LRRTM3: variants seen among roughly 807,000 people sequenced by gnomAD.
LRRTM3 encodes leucine rich repeat transmembrane neuronal 3.
LRRTM3 carries 24 observed loss-of-function variants against 44.7 expected under a neutral mutation model. That is an observed-to-expected ratio of 0.54 (90% CI 0.39 to 0.76). The LOEUF (loss-of-function observed/expected upper bound fraction) is 0.76, where lower values mean the gene tolerates loss of function less well. LRRTM3 is among the 30% of genes least tolerant of loss of function. The pLI is 0.00. For synonymous variants in LRRTM3, 277 were observed against 278.7 expected (o/e 0.99, Z 0.06); for missense variants, 587 against 702.2 (o/e 0.84, Z 1.85).
intron 2 of LRRTM3, among the ~76,000 whole-genome samples, chr10:66,998,745 G>A (rs974335318): frequency 1.3e-5 from 2 of 152,196 alleles, no homozygotes; most frequent in Non-Finnish European, 2.9e-5. Flanking sequence ...AATTGTCACA[G>A]ATCAACAATA....
intron 2 of LRRTM3, among the ~76,000 whole-genome samples, chr10:67,081,272 T>C (rs1177382793): frequency 1.3e-5 from 2 of 152,202 alleles, no homozygotes; most frequent in African/African-American, 4.8e-5. Flanking sequence ...TTCAGGTATA[T>C]ACTGAACAGT....
At chr10:66,996,760 T>A (rs1362245165) in intron 2 of LRRTM3, among the ~76,000 whole-genome samples, 1 of 151,420 alleles carries the variant, frequency 6.6e-6, no homozygotes, top group Non-Finnish European at 1.5e-5. Flanking sequence ...GAAAAAAAAT[T>A]TCTAAGGGTA....
intron 2 of LRRTM3, among the ~76,000 whole-genome samples, chr10:67,023,436 G>T (rs1430872413): frequency 6.6e-6 from 1 of 152,042 alleles, no homozygotes; most frequent in Non-Finnish European, 1.5e-5. Flanking sequence ...AATCCACCAG[G>T]CTTATCCATG....
intron 2 of LRRTM3, among the ~76,000 whole-genome samples, chr10:67,078,066 T>C (rs1306413731): frequency 6.6e-6 from 1 of 152,206 alleles, no homozygotes; most frequent in African/African-American, 2.4e-5. Flanking sequence ...GGGTCATACT[T>C]GGACCAAGTC....
chr10:66,994,393 TTAA>T (rs1851213077), intron 2 of LRRTM3, among the ~76,000 whole-genome samples: 3 of 152,212 alleles, frequency 2.0e-5, no homozygotes, highest in South Asian at 2.1e-4. Flanking sequence ...ATTAGCTCAC[TTAA>T]TAAATGGAAT....
intron 2 of LRRTM3, among the ~76,000 whole-genome samples, chr10:67,088,986 A>G (rs931977818): frequency 6.6e-6 from 1 of 152,066 alleles, no homozygotes; most frequent in African/African-American, 2.4e-5. Flanking sequence ...ATGACTACTT[A>G]GATAGAATAT....
intron 2 of LRRTM3, among the ~76,000 whole-genome samples, chr10:66,941,737 G>C (rs1016040603): frequency 6.6e-6 from 1 of 152,192 alleles, no homozygotes; most frequent in Non-Finnish European, 1.5e-5. Flanking sequence ...TTCAAGCCGC[G>C]TGAGCTGAGT....
intron 2 of LRRTM3, among the ~76,000 whole-genome samples, chr10:67,062,179 A>G (rs1855795755): frequency 1.5e-5 from 2 of 132,660 alleles, no homozygotes; most frequent in African/African-American, 5.9e-5. Flanking sequence ...CATTTTATAG[A>G]TAAGAACGTT....
intron 2 of LRRTM3, among the ~76,000 whole-genome samples, chr10:67,014,060 CT>C (rs1325697863): frequency 1.3e-5 from 2 of 152,076 alleles, no homozygotes; most frequent in East Asian, 3.9e-4. Context: ...AAAAAATAAC[CT>C]TTTTTCCCCT....
intron 2 of LRRTM3, among the ~76,000 whole-genome samples, chr10:66,952,059 T>C (rs1848564591): frequency 6.6e-6 from 1 of 152,298 alleles, no homozygotes; most frequent in South Asian, 2.1e-4. Context: ...AAGCCTAATA[T>C]GGGAAACAAG....
chr10:66,966,631 G>A (rs1023179275), intron 2 of LRRTM3, among the ~76,000 whole-genome samples: 2 of 151,990 alleles, frequency 1.3e-5, no homozygotes, highest in African/African-American at 2.4e-5. Flanking sequence ...AATTTACGGC[G>A]AGGGGGAAGC....
chr10:66,953,753 T>C (rs1848655555), intron 2 of LRRTM3, among the ~76,000 whole-genome samples: 1 of 152,190 alleles, frequency 6.6e-6, no homozygotes, highest in South Asian at 2.1e-4. Context: ...GACACTGTCC[T>C]CCTAAGATAA....
At chr10:66,949,745 G>A (rs1412601398) in intron 2 of LRRTM3, among the ~76,000 whole-genome samples, 1 of 152,142 alleles carries the variant, frequency 6.6e-6, no homozygotes, top group Non-Finnish European at 1.5e-5. Context: ...CAGCAGACTT[G>A]CTAGACACAG....
chr10:66,937,741 A>AATC (rs1438473435), intron 2 of LRRTM3, among the ~76,000 whole-genome samples: 11 of 151,974 alleles, frequency 7.2e-5, no homozygotes, highest in Non-Finnish European at 1.3e-4. Flanking sequence ...CATGCTTCCC[A>AATC]ATCTCTGTGC....
chr10:67,040,706 T>C (rs1854338893), intron 2 of LRRTM3, among the ~76,000 whole-genome samples: 1 of 152,094 alleles, frequency 6.6e-6, no homozygotes, highest in Admixed American at 6.6e-5. Context: ...CTTCACTAGA[T>C]GCAGTAATAA....
At chr10:67,027,989 G>A (rs1224391313) in intron 2 of LRRTM3, among the ~76,000 whole-genome samples, 1 of 152,054 alleles carries the variant, frequency 6.6e-6, no homozygotes, top group Non-Finnish European at 1.5e-5. Context: ...ACAACCCTGT[G>A]AAGCAAGTAA....
Position 66,927,365 on chromosome 10 carries a change from C to T in LRRTM3, c.449C>T (p.Ser150Phe). The T allele has an allele frequency of 1.2e-6, 2 of 1,614,200 alleles. No individual in the cohort carries two copies. The highest frequency in any genetic ancestry group is 4.5e-5 in the East Asian group (2 of 44,882). ...TATAATCAGCTGCATTCTCTGGGAT[C>T]TGAACAGTTTCGGGGCTTGCGGAAG... Reference protein sequence around the residue: ...LSYNQLHSLGSEQFRGLRKLL... With the variant: ...LSYNQLHSLGFEQFRGLRKLL... Residue 150 changes from serine (S) to phenylalanine (F), a missense_variant, in exon 2 of 3, where the codon TCT becomes TTT. Physicochemically the swap from Ser to Phe is radical, Grantham distance 155. Around this residue, in one of 3 missense-constraint regions of LRRTM3, gnomAD observed 222 missense variants for 323.3 expected, o/e 0.69. Coordinates refer to ENST00000361320, the MANE Select transcript of LRRTM3 (RefSeq NM_178011.5). This position sits in a 1 kb window ranked among gnomAD's most constrained non-coding sequence, Gnocchi z 4.7.
rs758644488 is a variant in LRRTM3 at position 66,927,469 on chromosome 10, C to A, written c.553C>A (p.Leu185Ile). Residue 185 changes from leucine to isoleucine, a missense_variant, in exon 2 of 3, where the codon CTT becomes ATT. By Grantham distance (5) the Leu-to-Ile change is conservative. This residue lies in a region of LRRTM3 where 222 missense variants were observed against 323.3 expected (regional missense o/e 0.69). Transcript: ENST00000361320. The surrounding 1 kb of genome is among the most constrained non-coding windows in gnomAD (Gnocchi z 4.7). ...RIFQDCRNLELLDLGYNRIRS... is the reference protein window; with the variant it reads ...RIFQDCRNLEILDLGYNRIRS... The stretch of plus-strand genomic sequence containing the variant: ...ATTCCAAGACTGCCGCAACCTGGAA[C>A]TTTTGGACCTGGGATATAACCGGAT... The A allele has an allele frequency of 1.2e-6, 2 of 1,614,102 alleles. No individual in the cohort carries two copies. Among genetic ancestry groups the A allele is most frequent in the Admixed American group, 1.7e-5 (1 of 60,022 alleles).
chr10:67,052,434 A>T (rs2133190709), intron 2 of LRRTM3, among the ~76,000 whole-genome samples: 1 of 152,194 alleles, frequency 6.6e-6, no homozygotes, highest in South Asian at 2.1e-4. Context: ...GCCTAGAACG[A>T]AATGGGCTTC....
Sources: allele counts gnomAD v4.1 joint callset (sites outside exome capture counted in the v4.1 genomes callset), GRCh38; gene constraint gnomAD v4.1.1; regional missense constraint gnomAD v4.1.1; non-coding constraint Gnocchi (gnomAD v3.1); transcripts MANE v1.5; gene names NCBI Gene and HGNC (gene_info 2026-07-23, HGNC 2026-07-21).